CCDC73: variants seen among roughly 807,000 people sequenced by gnomAD.
CCDC73 encodes coiled-coil domain-containing protein 73.
A neutral mutation model predicts 116.5 loss-of-function variants in CCDC73; 95 were observed. The observed-to-expected ratio is 0.82, with a 90% CI of 0.69 to 0.97. The LOEUF (loss-of-function observed/expected upper bound fraction) is 0.97. Ranked by LOEUF, CCDC73 falls within the 50% of genes least tolerant of loss-of-function variation. The pLI is 0.00. For missense variants in CCDC73, 1,066 were observed against 1,206.8 expected (o/e 0.88, Z 1.73); for synonymous variants, 398 against 401.3 (o/e 0.99, Z 0.10).
At chr11:32,823,451 G>A in the CCDC73 span, among the ~76,000 whole-genome samples, 1 of 152,202 alleles carries the variant, frequency 6.6e-6, no homozygotes, top group African/African-American at 2.4e-5. Flanking sequence ...TCCAGCCTTG[G>A]CGACAGAGCG....
Position 32,641,933 on chromosome 11 carries a change from T to G in CCDC73, c.1050+39A>C, listed in dbSNP as rs749211400. On this transcript the variant is annotated intron_variant, in intron 13 of 17. Coordinates refer to ENST00000335185, the MANE Select transcript of CCDC73 (RefSeq NM_001008391.4). ...TAGTTATTTTAAATGTCTAAAACTATTTAAAATATTTTAATATTTTTCTAT... is the reference window on the plus strand; with the variant it reads ...TAGTTATTTTAAATGTCTAAAACTAGTTAAAATATTTTAATATTTTTCTAT... 46 of 1,301,510 alleles carry G rather than the reference T, an allele frequency of 3.5e-5. 1 individual carries two copies. 80.6% of individuals were successfully genotyped at this position (1,301,510 alleles called of 1,614,324 possible).
Position 32,786,489 on chromosome 11 carries a change from T to C in CCDC73, c.-16+8124A>G, listed in dbSNP as rs1850630416. Among the ~76,000 whole-genome samples, 2 of 145,056 alleles carry C rather than the reference T, an allele frequency of 1.4e-5. 1 individual carries two copies. The highest frequency in any genetic ancestry group is 1.4e-4 in the Admixed American group (2 of 14,102). On this transcript the variant is annotated intron_variant, in intron 1 of 17. Transcript: ENST00000335185. ...ATATATAATAAATATATTATTTATA[T>C]TTATAACATACTTGTTATTAATAAA...
chr11:32,634,132 C>T (rs986926091), intron 14 of CCDC73, among the ~76,000 whole-genome samples: 3 of 152,042 alleles, frequency 2.0e-5, no homozygotes, highest in Non-Finnish European at 4.4e-5. Context: ...ATCATACCAA[C>T]TCTATACATT....
chr11:32,740,780 G>A (rs1850176621), intron 2 of CCDC73, among the ~76,000 whole-genome samples: 1 of 151,164 alleles, frequency 6.6e-6, no homozygotes, highest in African/African-American at 2.4e-5. Context: ...TTTATTTGAA[G>A]TTTTTCTTTT....
At position 32,720,245 on chromosome 11, in the gene CCDC73, A is replaced by G. The variant is rs377700875; in HGVS notation, c.136-2098T>C. ...CTGGTTCAACAGTTGAAAATCAATC[A>G]GTATAATTTATTACATCAATACGCT... On this transcript the variant is annotated intron_variant, in intron 2 of 17. Coordinates refer to ENST00000335185, the MANE Select transcript of CCDC73 (RefSeq NM_001008391.4). 3.3e-5 allele frequency among the ~76,000 whole-genome samples: 5 copies of G among 152,322 alleles called. No individual in the cohort carries two copies. The East Asian group carries it at 5.8e-4, about 18-fold the overall frequency.
At chr11:32,611,358 T>G in intron 16 of CCDC73, 93 bp from the exon 17 acceptor site, 1 of 1,089,772 alleles carries the variant, frequency 9.2e-7, no homozygotes, top group South Asian at 1.7e-5. Flanking sequence ...GCTTTTGTAT[T>G]TAAAAAGCAA....
At chr11:32,656,700 T>C (rs899745726) in intron 9 of CCDC73, among the ~76,000 whole-genome samples, 1 of 152,238 alleles carries the variant, frequency 6.6e-6, no homozygotes, top group Non-Finnish European at 1.5e-5. Flanking sequence ...TCTTGGATAC[T>C]GCATAGCCTC....
intron 14 of CCDC73, among the ~76,000 whole-genome samples, chr11:32,630,206 T>C (rs1855619047): frequency 1.3e-5 from 2 of 151,522 alleles, no homozygotes; most frequent in African/African-American, 4.9e-5. Context: ...TGCAAGTTTC[T>C]TATAAACTTT....
At chr11:32,642,244 T>C (rs912735138) in intron 12 of CCDC73, among the ~76,000 whole-genome samples, 162 bp from the exon 13 acceptor site, 2 of 151,994 alleles carry the variant, frequency 1.3e-5, no homozygotes, top group African/African-American at 4.8e-5. Flanking sequence ...AATGGAAAGG[T>C]GCTTATAGTT....
In CCDC73 at chr11:32,675,566, T is replaced by G; in HGVS notation, c.644A>C (p.Lys215Thr). 1 of 1,549,032 alleles carries G rather than the reference T, an allele frequency of 6.5e-7. No homozygotes were observed. The highest frequency in any genetic ancestry group is 1.2e-5 in the South Asian group (1 of 85,158). Residue 215 changes from lysine to threonine, a missense_variant and splice_region_variant, in exon 9 of 18, where the codon AAG (lysine) becomes ACG (threonine). Lys to Thr is a moderately conservative substitution (Grantham distance 78, BLOSUM62 -1). Coordinates refer to ENST00000335185, the MANE Select transcript of CCDC73 (RefSeq NM_001008391.4). ...AGTGTGAAACTGTATCAATCATACCTTCTTTAAACTGCATATTTCAGCTTC... is the reference window on the plus strand; with the variant it reads ...AGTGTGAAACTGTATCAATCATACCGTCTTTAAACTGCATATTTCAGCTTC... ...KQEAEICSLK[K>T]ELKKAASDLI... is the part of the protein sequence containing the mutation.
chr11:32,823,529 T>C, the CCDC73 span, among the ~76,000 whole-genome samples: 3 of 151,802 alleles, frequency 2.0e-5, no homozygotes, highest in African/African-American at 7.2e-5. Flanking sequence ...TAAAAAAAAT[T>C]TGAGGCAGTG....
At chr11:32,623,099 T>C (rs1855537727) in intron 14 of CCDC73, among the ~76,000 whole-genome samples, 2 of 151,644 alleles carry the variant, frequency 1.3e-5, no homozygotes, top group African/African-American at 2.4e-5. Context: ...ACCTCTGCCT[T>C]CCGGTTTCAA....
In CCDC73 at chr11:32,741,921, A is replaced by T. The variant is rs1004037364; in HGVS notation, c.135+18188T>A. On this transcript the variant is annotated intron_variant, in intron 2 of 17. Coordinates refer to ENST00000335185, the MANE Select transcript of CCDC73 (RefSeq NM_001008391.4). ...AGAACATGTGGTGTTTGGTTTTCTGATCTTGTGATAGTTTGCTGAGAATGA... is the reference window on the plus strand; with the variant it reads ...AGAACATGTGGTGTTTGGTTTTCTGTTCTTGTGATAGTTTGCTGAGAATGA... 5.3e-4 allele frequency among the ~76,000 whole-genome samples: 81 copies of T among 151,626 alleles called. 1 individual carries two copies. Among genetic ancestry groups the T allele is most frequent in the African/African-American group, 1.7e-3 (70 of 41,350 alleles).
chr11:32,699,392 G>A (rs1849788930), intron 5 of CCDC73, 67 bp from the exon 6 acceptor site: 1 of 1,390,944 alleles, frequency 7.2e-7, no homozygotes, highest in Admixed American at 2.7e-5. Flanking sequence ...TAAAATATAA[G>A]AGCTCAAGAA....
intron 1 of CCDC73, among the ~76,000 whole-genome samples, chr11:32,762,116 C>T (rs142811994): frequency 2.0e-5 from 3 of 152,240 alleles, no homozygotes; most frequent in African/African-American, 7.2e-5. Context: ...ACAACCTAGC[C>T]AAGTTGACAC....
At chr11:32,616,836 C>A (rs2133223562) in intron 14 of CCDC73, among the ~76,000 whole-genome samples, 1 of 152,226 alleles carries the variant, frequency 6.6e-6, no homozygotes, top group South Asian at 2.1e-4. Flanking sequence ...TAACAGGCAA[C>A]TTTAATAGGA....
chr11:32,608,640 C>T (rs1391469723), intron 17 of CCDC73, among the ~76,000 whole-genome samples: 1 of 152,170 alleles, frequency 6.6e-6, no homozygotes, highest in East Asian at 1.9e-4. Flanking sequence ...CATAGCTCCA[C>T]TAGCCAGCAC....
intron 14 of CCDC73, among the ~76,000 whole-genome samples, chr11:32,624,990 T>C (rs1855556868): frequency 6.6e-6 from 1 of 152,222 alleles, no homozygotes; most frequent in East Asian, 1.9e-4. Context: ...ATGAGAACAG[T>C]TGGATACAGG....
intron 14 of CCDC73, among the ~76,000 whole-genome samples, chr11:32,618,102 T>A (rs536898171): frequency 6.6e-6 from 1 of 152,330 alleles, no homozygotes; most frequent in East Asian, 1.9e-4. Context: ...ACCCAATGTT[T>A]AGTTCCAACT....
Sources: gnomAD v4.1 joint callset for allele counts (sites outside exome capture counted in the v4.1 genomes callset) on GRCh38, gnomAD v4.1.1 for gene constraint, MANE v1.5 for transcripts, NCBI Gene and HGNC (gene_info 2026-07-23, HGNC 2026-07-21) for gene names.